Variants in WDFY3 observed in about 807,000 individuals in gnomAD.
WDFY3 encodes the protein WD repeat and FYVE domain-containing protein 3.
In WDFY3, 66 loss-of-function variants were observed where a neutral mutation model predicts 409.6. The ratio of observed to expected loss-of-function variants is 0.16; its 90% CI spans 0.13 to 0.20. The LOEUF (loss-of-function observed/expected upper bound fraction) is 0.20. Among genes scored for constraint, WDFY3 ranks in the 10% least tolerant of loss-of-function variants. WDFY3 has a pLI of 1.00. For missense variants in WDFY3, 3,031 were observed against 4,298.1 expected, an observed-to-expected ratio of 0.71 and a Z score of 8.24; for synonymous variants, 1,521 against 1,537.1, an observed-to-expected ratio of 0.99 and a Z score of 0.25.
At chr4:84,829,775 G>GCACTA (rs1203224956) in intron 8 of WDFY3, among the ~76,000 whole-genome samples, 3 of 150,520 alleles carry the variant, frequency 2.0e-5, no homozygotes, top group Non-Finnish European at 4.4e-5. Flanking sequence ...CCACTGCACT[G>GCACTA]CACTACAACC....
At chr4:84,935,102 A>G (rs183316561) in intron 1 of WDFY3, among the ~76,000 whole-genome samples, 3 of 152,278 alleles carry the variant, frequency 2.0e-5, no homozygotes, top group Admixed American at 2.0e-4. Context: ...ATATATCACA[A>G]TTTAATTATC....
chr4:84,831,633 A>G (rs1183471849), intron 7 of WDFY3, 28 bp from the exon 8 acceptor site: 1 of 1,572,568 alleles, frequency 6.4e-7, no homozygotes, highest in Non-Finnish European at 8.7e-7. Context: ...ACAAAACAAG[A>G]GTGTATAAGC....
chr4:84,842,218 T>G (rs1037924874), intron 5 of WDFY3, among the ~76,000 whole-genome samples: 5 of 152,162 alleles, frequency 3.3e-5, no homozygotes, highest in African/African-American at 9.7e-5. Flanking sequence ...GGCTCACACC[T>G]GTAATCCCAG....
In WDFY3 at chr4:84,787,699, G is replaced by A. The variant is rs138556668; in HGVS notation, c.3684C>T (p.His1228=). 4 of 1,611,584 alleles carry A rather than the reference G, an allele frequency of 2.5e-6. No individual in the cohort carries two copies. The African/African-American group carries it at 5.3e-5, about 22-fold the overall frequency. The change falls in exon 23 of 68, where the codon CAC becomes CAT. Residue 1228 remains histidine (H), a synonymous_variant. Transcript: ENST00000295888. ...CCGAACCTGAACCCCCTGGAGTACTGTGGACATAATGAAGCTGTAAGGAAG... is the reference window on the plus strand; with the variant it reads ...CCGAACCTGAACCCCCTGGAGTACTATGGACATAATGAAGCTGTAAGGAAG... ...LVNTVKLHYV[H]STPGGSGSAN...
chr4:84,792,034 A>G (rs181679523), intron 21 of WDFY3, among the ~76,000 whole-genome samples: 133 of 152,370 alleles, frequency 8.7e-4, no homozygotes, highest in African/African-American at 3.1e-3. Context: ...CTGTAACCAT[A>G]TAATTTAAAG....
chr4:84,694,214 A>G (rs1054447399), intron 58 of WDFY3, among the ~76,000 whole-genome samples: 1 of 152,232 alleles, frequency 6.6e-6, no homozygotes, highest in Non-Finnish European at 1.5e-5. Flanking sequence ...ATAAAGATAC[A>G]TAGTTTTAAA....
At chr4:84,918,370 A>C (rs1768790107) in intron 2 of WDFY3, among the ~76,000 whole-genome samples, 1 of 152,190 alleles carries the variant, frequency 6.6e-6, no homozygotes, top group African/African-American at 2.4e-5. Flanking sequence ...ACCTCTATGA[A>C]CTGATATGGA....
intron 25 of WDFY3, among the ~76,000 whole-genome samples, chr4:84,782,634 A>G (rs1746749302): frequency 6.6e-6 from 1 of 152,162 alleles, no homozygotes. Context: ...GAGACTATGC[A>G]ACATTTGGTT....
Position 84,739,056 on chromosome 4 carries a change from G to C in WDFY3, c.6528C>G (p.Pro2176=). 6.2e-7 allele frequency: 1 copy of C among 1,614,158 alleles called. No homozygotes were observed. The highest frequency in any genetic ancestry group is 8.5e-7 in the Non-Finnish European group (1 of 1,179,992). The change falls in exon 40 of 68, where the codon CCC becomes CCG. Residue 2176 remains proline (P), a synonymous_variant. Coordinates refer to ENST00000295888, the MANE Select transcript of WDFY3 (RefSeq NM_014991.6). ...ARMTTWHIMI[P]SDIEPDGSYS... is the part of the protein sequence containing the mutation. ...AACTACCATCTGGTTCAATGTCCGA[G>C]GGGATCATAATGTGCCATGTGGTCA...
At chr4:84,849,267 A>C (rs979843709) in intron 5 of WDFY3, among the ~76,000 whole-genome samples, 7 of 152,132 alleles carry the variant, frequency 4.6e-5, no homozygotes, top group African/African-American at 1.7e-4. Context: ...TAAGTAGCTT[A>C]TGGTCTACTG....
chr4:84,828,869 G>T, intron 9 of WDFY3, 135 bp downstream of exon 9: 1 of 853,366 alleles, frequency 1.2e-6, no homozygotes, highest in Non-Finnish European at 1.7e-6. Context: ...AGAAAAAGAA[G>T]GGAGTAAAGC....
intron 30 of WDFY3, among the ~76,000 whole-genome samples, chr4:84,768,893 A>T (rs1360023470): frequency 6.6e-6 from 1 of 152,216 alleles, no homozygotes. Context: ...AAAATTCACC[A>T]CTTTAGACGC....
chr4:84,896,219 A>G (rs1027772968), intron 3 of WDFY3, among the ~76,000 whole-genome samples: 7 of 152,012 alleles, frequency 4.6e-5, no homozygotes, highest in African/African-American at 1.7e-4. Context: ...TTGTGCCACT[A>G]CACTCCAGCC....
rs1729308003 is a variant in WDFY3 at position 84,691,804 on chromosome 4, G to A, written c.9050-19C>T. The A allele has an allele frequency of 6.2e-7, 1 of 1,601,474 alleles. No individual in the cohort carries two copies. The highest frequency in any genetic ancestry group is 1.1e-5 in the South Asian group (1 of 90,080). ...TTGAGTTCTAGAAAAAAGAAATCAT[G>A]GTATTAGGACAGGAACAGGAAAAAC... On this transcript the variant is annotated intron_variant, in intron 59 of 67. Transcript: ENST00000295888.
rs1470296289 is a variant in WDFY3 at position 84,784,917 on chromosome 4, CACAT to C, written c.4062+1058_4062+1061del. ...ACACACACACACACACACACACACA[CACAT>C]ACACACCTTGAATCTGATCACTTCT... On this transcript the variant is annotated intron_variant, in intron 24 of 67. Transcript: ENST00000295888. Among the ~76,000 whole-genome samples, 421 of 144,120 alleles carry C rather than the reference CACAT, an allele frequency of 2.9e-3. 3 individuals carry two copies. Among genetic ancestry groups the C allele is most frequent in the African/African-American group, 4.3e-3 (167 of 38,706 alleles). The allele number at this position is 144,120 out of a possible 152,430, so 94.5% of individuals were successfully genotyped here. A position where few individuals can be genotyped will look rare whatever the true frequency, so the allele number is the denominator to read the frequency against.
chr4:84,900,201 G>A (rs1766168332), intron 2 of WDFY3, among the ~76,000 whole-genome samples: 1 of 152,064 alleles, frequency 6.6e-6, no homozygotes, highest in Non-Finnish European at 1.5e-5. Flanking sequence ...ACAAACTATG[G>A]TGCACCCATA....
chr4:84,823,712 A>G (rs1754421448), intron 10 of WDFY3, among the ~76,000 whole-genome samples: 1 of 152,194 alleles, frequency 6.6e-6, no homozygotes, highest in Non-Finnish European at 1.5e-5. Flanking sequence ...GAAAATTAAA[A>G]TAACAATTAG....
chr4:84,847,678 G>A, intron 5 of WDFY3, among the ~76,000 whole-genome samples: 1 of 147,570 alleles, frequency 6.8e-6, no homozygotes. Flanking sequence ...GGAGGCTGAG[G>A]CAGGAGAATC....
intron 32 of WDFY3, among the ~76,000 whole-genome samples, chr4:84,763,566 A>G (rs964475445): frequency 6.6e-6 from 1 of 152,134 alleles, no homozygotes; most frequent in Non-Finnish European, 1.5e-5. Context: ...ATCTATTTTT[A>G]TAAAGAAAAA....
Sources: allele counts gnomAD v4.1 joint callset (sites outside exome capture counted in the v4.1 genomes callset), GRCh38; gene constraint gnomAD v4.1.1; transcripts MANE v1.5; gene names NCBI Gene and HGNC (gene_info 2026-07-23, HGNC 2026-07-21).